Variants in KCNK5 observed in about 807,000 individuals in gnomAD.
KCNK5 encodes potassium two pore domain channel subfamily K member 5, also known as potassium channel subfamily K member 5.
A neutral mutation model predicts 32.9 loss-of-function variants in KCNK5; 18 were observed. The observed-to-expected ratio is 0.55, with a 90% CI of 0.38 to 0.81. The LOEUF (loss-of-function observed/expected upper bound fraction) is 0.81. Ranked by LOEUF, KCNK5 falls within the 30% of genes least tolerant of loss-of-function variation. KCNK5 has a pLI of 0.00. For synonymous variants in KCNK5, 276 were observed against 275.3 expected (o/e 1.00, Z -0.03); for missense variants, 507 against 651.0 (o/e 0.78, Z 2.41).
intron 4 of KCNK5, among the ~76,000 whole-genome samples, chr6:39,193,895 G>A (rs1770983880): frequency 6.6e-6 from 1 of 152,196 alleles, no homozygotes; most frequent in South Asian, 2.1e-4. Context: ...AGGAGTCATG[G>A]GAGAACTGAG....
At chr6:39,212,081 G>C (rs1314548928) in intron 1 of KCNK5, among the ~76,000 whole-genome samples, 1 of 152,082 alleles carries the variant, frequency 6.6e-6, no homozygotes, top group Non-Finnish European at 1.5e-5. Flanking sequence ...TGGAAGTCAG[G>C]AGTTCAAGAC....
intron 1 of KCNK5, among the ~76,000 whole-genome samples, chr6:39,215,061 G>T (rs1444999906): frequency 1.3e-5 from 2 of 152,186 alleles, no homozygotes; most frequent in Non-Finnish European, 2.9e-5. Context: ...CAAGTCAGCA[G>T]AGCTGGCCCA....
In KCNK5 at chr6:39,191,193, G is replaced by C. The variant is rs111478137; in HGVS notation, c.1197C>G (p.Ser399Arg). 9.9e-6 allele frequency: 16 copies of C among 1,614,214 alleles called. No homozygotes were observed. In the African/African-American group the frequency reaches 1.6e-4, roughly 16 times the overall value. The change falls in exon 5 of 5, where the codon AGC becomes AGG. Residue 399 changes from serine (S) to arginine (R), a missense_variant. Physicochemically the swap from Ser to Arg is moderately radical, Grantham distance 110. Transcript: ENST00000359534. This position sits in a 1 kb window ranked among gnomAD's most constrained non-coding sequence, Gnocchi z 5.8. The stretch of plus-strand genomic sequence containing the variant: ...GGGCGTCCCATGGCTCGCATTCCTC[G>C]CTGATGCGGTCCAGCTGGTTCATGA... ...EVFMNQLDRI[S>R]EECEPWDAQD...
At chr6:39,226,092 T>C (rs1771666655) in intron 1 of KCNK5, among the ~76,000 whole-genome samples, 1 of 152,212 alleles carries the variant, frequency 6.6e-6, no homozygotes, top group Non-Finnish European at 1.5e-5. Context: ...GATGGGTAAA[T>C]GGCCGAGCCA....
intron 1 of KCNK5, among the ~76,000 whole-genome samples, chr6:39,223,038 T>C (rs1771583368): frequency 6.6e-6 from 1 of 152,242 alleles, no homozygotes; most frequent in African/African-American, 2.4e-5. Flanking sequence ...TCTGTGTTTT[T>C]TGCGTTTAAA....
intron 1 of KCNK5, among the ~76,000 whole-genome samples, chr6:39,218,130 G>A (rs956789272): frequency 1.3e-5 from 2 of 150,494 alleles, no homozygotes; most frequent in Admixed American, 6.6e-5. Flanking sequence ...GAGTGTAGAG[G>A]CGCGATTTTG....
rs927021782 is a variant in KCNK5, at chr6:39,189,002, A to C, written c.*1888T>G. 3 of 152,250 alleles carry C rather than the reference A, an allele frequency of 2.0e-5. No individual in the cohort carries two copies. The highest frequency in any genetic ancestry group is 4.4e-5 in the Non-Finnish European group (3 of 68,062). 9.4% of individuals were successfully genotyped at this position (152,250 alleles called of 1,614,324 possible). On this transcript the variant is annotated 3_prime_UTR_variant, in exon 5 of 5. Coordinates refer to ENST00000359534, the MANE Select transcript of KCNK5 (RefSeq NM_003740.4). The stretch of plus-strand genomic sequence containing the variant: ...GTCCACCTCATGTTTTATTGTAAAA[A>C]TGTTAAAATAAATTACATTTGACAT...
In KCNK5 at chr6:39,194,509, G is replaced by C. The variant is rs117033782; in HGVS notation, c.465+85C>G. ...TCTTGCCATCTGTCCTTACACCCTT[G>C]GTCCAATTCCTAGAGGCCTCCTGTC... is the stretch of plus-strand genomic sequence containing the variant. On this transcript the variant is annotated intron_variant, in intron 3 of 4. Coordinates refer to ENST00000359534, the MANE Select transcript of KCNK5 (RefSeq NM_003740.4). This position sits in a 1 kb window ranked among gnomAD's most constrained non-coding sequence, Gnocchi z 4.7. 2.1e-4 allele frequency: 323 copies of C among 1,504,898 alleles called. 4 individuals are homozygous for C. The East Asian group carries it at 7.1e-3, about 33-fold the overall frequency. The allele number at this position is 1,504,898 out of a possible 1,614,324, so 93.2% of individuals were successfully genotyped here.
Position 39,218,156 on chromosome 6 carries a change from C to T in KCNK5, c.186+10770G>A, listed in dbSNP as rs1432349632. 3.3e-5 allele frequency among the ~76,000 whole-genome samples: 5 copies of T among 151,490 alleles called. No individual in the cohort carries two copies. The East Asian group carries it at 5.8e-4, about 18-fold the overall frequency. ...CGCGATTTTGGCTCACTGCCACCTC[C>T]GCCTCCCAGGTTCAAGCGATTCTCC... On this transcript the variant is annotated intron_variant, in intron 1 of 4. Transcript: ENST00000359534.
chr6:39,218,382 A>T (rs1771479491), intron 1 of KCNK5, among the ~76,000 whole-genome samples: 1 of 152,114 alleles, frequency 6.6e-6, no homozygotes, highest in African/African-American at 2.4e-5. Flanking sequence ...GGGCCATTTT[A>T]AAAGGGATTA....
chr6:39,196,436 GAC>G (rs1180526951), intron 1 of KCNK5, among the ~76,000 whole-genome samples: 1 of 152,224 alleles, frequency 6.6e-6, no homozygotes, highest in Non-Finnish European at 1.5e-5. Context: ...ATGTGAGGCA[GAC>G]ACACACAAGG....
At chr6:39,226,994 G>C (rs1771683706) in intron 1 of KCNK5, among the ~76,000 whole-genome samples, 1 of 152,058 alleles carries the variant, frequency 6.6e-6, no homozygotes. Context: ...AATGTTGACA[G>C]ATTTAACAGG....
intron 1 of KCNK5, among the ~76,000 whole-genome samples, chr6:39,207,723 C>T (rs1417566717): frequency 6.6e-6 from 1 of 152,122 alleles, no homozygotes; most frequent in Non-Finnish European, 1.5e-5. Flanking sequence ...TGCATTGCTG[C>T]TGATTTCCTG....
intron 1 of KCNK5, among the ~76,000 whole-genome samples, chr6:39,228,571 G>A (rs1029753108): frequency 3.9e-5 from 6 of 152,130 alleles, no homozygotes; most frequent in Non-Finnish European, 8.8e-5. Flanking sequence ...CTCCGGGAGC[G>A]TCTCCAGGGA....
At chr6:39,199,376 G>C (rs1771088644) in intron 1 of KCNK5, among the ~76,000 whole-genome samples, 1 of 152,222 alleles carries the variant, frequency 6.6e-6, no homozygotes, top group Admixed American at 6.5e-5. Flanking sequence ...CTGATGGTGT[G>C]CCCTTTGGGG....
At chr6:39,226,061 C>G (rs1346090468) in intron 1 of KCNK5, among the ~76,000 whole-genome samples, 2 of 152,182 alleles carry the variant, frequency 1.3e-5, no homozygotes, top group African/African-American at 4.8e-5. Flanking sequence ...GAAAGGAAGG[C>G]AAAGTTAAGT....
chr6:39,218,315 C>T (rs775371376), intron 1 of KCNK5, among the ~76,000 whole-genome samples: 9 of 152,240 alleles, frequency 5.9e-5, no homozygotes, highest in South Asian at 2.1e-4. Context: ...GTGATCCACC[C>T]GCCTAGGCCT....
rs576915774 is a variant in KCNK5, at chr6:39,222,184, G to A, written c.186+6742C>T. ...ATGCAATCTGGGAAGGTCACCAAAC[G>A]GGAGACGGAATGTCTTTGGCTGGGC... is the stretch of plus-strand genomic sequence containing the variant. On this transcript the variant is annotated intron_variant, in intron 1 of 4. Coordinates refer to ENST00000359534, the MANE Select transcript of KCNK5 (RefSeq NM_003740.4). 6.6e-5 allele frequency among the ~76,000 whole-genome samples: 10 copies of A among 152,296 alleles called. No individual in the cohort carries two copies. In the East Asian group the frequency reaches 1.4e-3, roughly 21 times the overall value.
chr6:39,204,436 C>T (rs1771187605), intron 1 of KCNK5, among the ~76,000 whole-genome samples: 1 of 152,226 alleles, frequency 6.6e-6, no homozygotes, highest in Non-Finnish European at 1.5e-5. Flanking sequence ...GTGATACCTC[C>T]CCTACCTCCT....
Sources: allele counts gnomAD v4.1 joint callset (sites outside exome capture counted in the v4.1 genomes callset), GRCh38; gene constraint gnomAD v4.1.1; non-coding constraint Gnocchi (gnomAD v3.1); transcripts MANE v1.5; gene names NCBI Gene and HGNC (gene_info 2026-07-23, HGNC 2026-07-21).